Variants in SMAP1 observed in about 807,000 individuals in gnomAD.
The protein encoded by SMAP1 is small ArfGAP 1.
SMAP1 carries 24 observed loss-of-function variants against 58.5 expected under a neutral mutation model. That is an observed-to-expected ratio of 0.41 (90% confidence interval 0.30 to 0.58). The LOEUF (loss-of-function observed/expected upper bound fraction) is 0.58, where lower values mean the gene tolerates loss of function less well. Ranked by LOEUF, SMAP1 falls within the 20% of genes least tolerant of loss-of-function variation. The pLI, the probability that SMAP1 is intolerant of heterozygous loss-of-function variation, is 0.29. For synonymous variants in SMAP1, 216 were observed against 196.6 expected (o/e 1.10, Z -0.82); for missense variants, 563 against 566.3 (o/e 0.99, Z 0.06).
intron 1 of SMAP1, among the ~76,000 whole-genome samples, chr6:70,708,658 T>G (rs895175227): frequency 2.0e-5 from 3 of 152,216 alleles, no homozygotes; most frequent in Non-Finnish European, 4.4e-5. Context: ...ATAGCCTTCT[T>G]AACAGGTGTG....
intron 1 of SMAP1, among the ~76,000 whole-genome samples, chr6:70,706,069 G>T (rs1306772925): frequency 6.6e-6 from 1 of 152,160 alleles, no homozygotes; most frequent in Admixed American, 6.5e-5. Context: ...AGGAAGAGAA[G>T]AAAGTTTTGG....
intron 7 of SMAP1, among the ~76,000 whole-genome samples, chr6:70,850,307 C>G (rs915344908): frequency 3.3e-5 from 5 of 151,782 alleles, no homozygotes; most frequent in African/African-American, 1.2e-4. Flanking sequence ...CTCAGTTTGC[C>G]AAAAAATCAA....
intron 1 of SMAP1, among the ~76,000 whole-genome samples, chr6:70,674,000 T>C (rs1369123912): frequency 2.0e-5 from 3 of 152,216 alleles, no homozygotes; most frequent in Non-Finnish European, 4.4e-5. Context: ...GATATATATA[T>C]ATATCTTTCT....
intron 1 of SMAP1, among the ~76,000 whole-genome samples, chr6:70,716,550 A>C (rs1582051526): frequency 6.6e-6 from 1 of 151,118 alleles, no homozygotes; most frequent in South Asian, 2.1e-4. Flanking sequence ...AGCTGTCTTT[A>C]CTCTTTTTCA....
At chr6:70,715,435 C>G (rs528567622) in intron 1 of SMAP1, among the ~76,000 whole-genome samples, 7 of 152,198 alleles carry the variant, frequency 4.6e-5, no homozygotes, top group Non-Finnish European at 1.0e-4. Context: ...ATCATTTGGG[C>G]TACCTGAATC....
chr6:70,702,641 C>CTT (rs200336798), intron 1 of SMAP1, among the ~76,000 whole-genome samples: 9 of 144,582 alleles, frequency 6.2e-5, no homozygotes, highest in East Asian at 4.0e-4. Context: ...TCTTCTTCTT[C>CTT]TTTTTTTTTT....
At chr6:70,728,839 CTCT>C (rs1252762500) in intron 1 of SMAP1, among the ~76,000 whole-genome samples, 4 of 152,184 alleles carry the variant, frequency 2.6e-5, no homozygotes, top group African/African-American at 7.2e-5. Context: ...ATCTTTCTCC[CTCT>C]TCTTCTGATA....
chr6:70,794,521 C>A (rs1159308415), intron 5 of SMAP1, among the ~76,000 whole-genome samples: 1 of 152,174 alleles, frequency 6.6e-6, no homozygotes, highest in Non-Finnish European at 1.5e-5. Context: ...GTTTGCTGCA[C>A]TCGTCAACTC....
intron 3 of SMAP1, among the ~76,000 whole-genome samples, chr6:70,770,550 A>C (rs78789567): frequency 6.6e-6 from 1 of 151,804 alleles, no homozygotes; most frequent in Non-Finnish European, 1.5e-5. Flanking sequence ...TCGGCTCCTG[A>C]GGTTTGTGCA....
chr6:70,784,962 A>T (rs554889959), intron 4 of SMAP1, among the ~76,000 whole-genome samples: 1 of 152,322 alleles, frequency 6.6e-6, no homozygotes, highest in South Asian at 2.1e-4. Flanking sequence ...CCTAATAGAC[A>T]TCTACAGACC....
intron 1 of SMAP1, among the ~76,000 whole-genome samples, chr6:70,680,756 T>C (rs61051169): frequency 0.44 from 60,012 of 137,776 alleles, 13,382 homozygotes; most frequent in South Asian, 0.5. Context: ...TCTCACTGTG[T>C]CTCCCAGGCT....
Position 70,860,556 on chromosome 6 carries a change from C to T in SMAP1, c.*222C>T, listed in dbSNP as rs1771674227. 4.2e-6 allele frequency: 2 copies of T among 473,626 alleles called. No individual in the cohort carries two copies. Among genetic ancestry groups the T allele is most frequent in the South Asian group, 6.2e-5 (1 of 16,098 alleles). 29.3% of individuals were successfully genotyped at this position (473,626 alleles called of 1,614,324 possible). On this transcript the variant is annotated 3_prime_UTR_variant, in exon 11 of 11. Transcript: ENST00000370455. The stretch of plus-strand genomic sequence containing the variant: ...GTCAAGGGCAGCTTTGCTCATATTT[C>T]CCATGATTTCATGTACTGCATTATT...
chr6:70,718,077 T>C (rs1768349337), intron 1 of SMAP1, among the ~76,000 whole-genome samples: 1 of 151,978 alleles, frequency 6.6e-6, no homozygotes, highest in South Asian at 2.1e-4. Flanking sequence ...CCCCTTCCAA[T>C]TTTTTTGGTG....
At chr6:70,857,723 A>G (rs898822079) in intron 9 of SMAP1, 199 bp from the exon 10 acceptor site, 30 of 589,048 alleles carry the variant, frequency 5.1e-5, no homozygotes, top group African/African-American at 4.9e-4. Flanking sequence ...ACTCAGGTTA[A>G]TAACTGATTT....
chr6:70,771,686 C>T (rs1582153985), intron 3 of SMAP1, among the ~76,000 whole-genome samples: 1 of 152,310 alleles, frequency 6.6e-6, no homozygotes, highest in Non-Finnish European at 1.5e-5. Flanking sequence ...AGGGAACTCC[C>T]TGTCCCTTTG....
At chr6:70,674,027 A>G (rs1189643066) in intron 1 of SMAP1, among the ~76,000 whole-genome samples, 5 of 152,110 alleles carry the variant, frequency 3.3e-5, no homozygotes, top group Non-Finnish European at 5.9e-5. Context: ...TTATTAACCT[A>G]TAACAGACTT....
In SMAP1 at chr6:70,785,821, A is replaced by G. The variant is rs1214420390; in HGVS notation, c.415-5868A>G. On this transcript the variant is annotated intron_variant, in intron 4 of 10. Coordinates refer to ENST00000370455, the MANE Select transcript of SMAP1 (RefSeq NM_001044305.3). Reference sequence around the variant, plus strand: ...TGTGGCAATAATCAATAGTTTACCAACCAAAAAGAGTTCAGGACCAGATGG... The same window carrying G: ...TGTGGCAATAATCAATAGTTTACCAGCCAAAAAGAGTTCAGGACCAGATGG... 2.6e-5 allele frequency among the ~76,000 whole-genome samples: 4 copies of G among 152,348 alleles called. No homozygotes were observed. In the East Asian group the frequency reaches 5.8e-4, roughly 22 times the overall value.
At chr6:70,724,020 T>G (rs1768648794) in intron 1 of SMAP1, among the ~76,000 whole-genome samples, 2 of 152,166 alleles carry the variant, frequency 1.3e-5, no homozygotes, top group Non-Finnish European at 2.9e-5. Context: ...TTCTTTTGTT[T>G]TTTAATAAAA....
intron 6 of SMAP1, among the ~76,000 whole-genome samples, chr6:70,812,056 A>G (rs1769414701): frequency 6.6e-6 from 1 of 152,152 alleles, no homozygotes; most frequent in Admixed American, 6.5e-5. Context: ...TGTAATTTAA[A>G]ACTTATGAAT....
Sources: gnomAD v4.1 joint callset for allele counts (sites outside exome capture counted in the v4.1 genomes callset) on GRCh38, gnomAD v4.1.1 for gene constraint, MANE v1.5 for transcripts, NCBI Gene and HGNC (gene_info 2026-07-23, HGNC 2026-07-21) for gene names.